The following TYK2 variants were observed in gnomAD, a reference collection of about 807,000 sequenced individuals.
The protein encoded by TYK2 is non-receptor tyrosine-protein kinase TYK2.
A neutral mutation model predicts 130.9 loss-of-function variants in TYK2; 65 were observed. That is an observed-to-expected ratio of 0.50 (90% CI 0.41 to 0.61). The LOEUF is 0.61. Ranked by LOEUF, TYK2 falls within the 20% of genes least tolerant of loss-of-function variation. The pLI, the probability that TYK2 is intolerant of heterozygous loss-of-function variation, is 0.00. For synonymous variants in TYK2, 647 were observed against 658.9 expected (o/e 0.98, Z 0.28); for missense variants, 1,378 against 1,610.7 (o/e 0.86, Z 2.47).
At position 10,365,555 on chromosome 19, in the gene TYK2, G is replaced by A. The variant is rs766378705; in HGVS notation, c.973C>T (p.Gln325Ter). Residue 325 changes from glutamine (Q) to a stop codon, truncating the protein, a stop_gained, in exon 7 of 25, where the codon CAG becomes TAG. Transcript: ENST00000525621. LOFTEE classifies it high-confidence loss of function. ...EVLVTGTGGI[Q>*]WWPVEEEVNK... ...ACCTCCTCCTCTACTGGCCACCACT[G>A]GATGCCACCAGTGCCTGTCACCAGC... 1.2e-6 allele frequency: 2 copies of A among 1,614,050 alleles called. No homozygotes were observed. The highest frequency in any genetic ancestry group is 1.7e-5 in the Admixed American group (1 of 60,018).
At position 10,353,488 on chromosome 19, in the gene TYK2, G is replaced by T. The variant is rs1184236755; in HGVS notation, c.3027+40C>A. On this transcript the variant is annotated intron_variant, in intron 21 of 24. Coordinates refer to ENST00000525621, the MANE Select transcript of TYK2 (RefSeq NM_003331.5). This position sits in a 1 kb window ranked among gnomAD's most constrained non-coding sequence, Gnocchi z 6.9. ...GCTCAGGCCAGCCCAAGCTGAAGAG[G>T]AAGGGGCAAGCTCCAGAAGCAGGGG... 11 of 1,411,270 alleles carry T rather than the reference G, an allele frequency of 7.8e-6. No individual in the cohort carries two copies. Among genetic ancestry groups the T allele is most frequent in the Non-Finnish European group, 1.0e-5 (11 of 1,056,008 alleles). The allele number at this position is 1,411,270 out of a possible 1,614,324, so 87.4% of individuals were successfully genotyped here. A position where few individuals can be genotyped will look rare whatever the true frequency, so the allele number is the denominator to read the frequency against.
intron 5 of TYK2, 140 bp downstream of exon 5, chr19:10,367,915 G>A (rs1242013897): frequency 2.3e-4 from 223 of 950,716 alleles, no homozygotes; most frequent in Admixed American, 1.1e-3. Context: ...GCAAGACTCC[G>A]TCTCAAAAAA....
chr19:10,379,347 A>G (rs951729312), intron 2 of TYK2, among the ~76,000 whole-genome samples: 1 of 150,202 alleles, frequency 6.7e-6, no homozygotes, highest in Non-Finnish European at 1.5e-5. Flanking sequence ...TAAATAAATA[A>G]ATAAATAAAT....
At chr19:10,355,031 A>T (rs987949998) in intron 18 of TYK2, among the ~76,000 whole-genome samples, 1 of 140,836 alleles carries the variant, frequency 7.1e-6, no homozygotes, top group African/African-American at 2.6e-5. Flanking sequence ...CACTGTCTTT[A>T]AAAAAAAAAA....
intron 19 of TYK2, 58 bp from the exon 20 acceptor site, chr19:10,354,292 AC>A: frequency 6.3e-7 from 1 of 1,580,712 alleles, no homozygotes. Context: ...CCACTCCCCA[AC>A]CCCCGATTTC....
At chr19:10,358,730 A>C (rs964286919) in intron 15 of TYK2, among the ~76,000 whole-genome samples, 1 of 151,684 alleles carries the variant, frequency 6.6e-6, no homozygotes, top group Non-Finnish European at 1.5e-5. Context: ...TGCTGGGATT[A>C]CAGGTATGAG....
chr19:10,372,277 G>C (rs1362738891), intron 3 of TYK2, among the ~76,000 whole-genome samples: 2 of 146,950 alleles, frequency 1.4e-5, no homozygotes, highest in Non-Finnish European at 3.0e-5. Flanking sequence ...ACAGGCGTGA[G>C]CCACGGCGCC....
chr19:10,358,036 G>A lies in TYK2; in HGVS notation c.2278C>T (p.Pro760Ser), dbSNP rs958274716. The part of the protein sequence containing the change: ...GTSPFIKLSD[P>S]GVGLGALSRE... ...GAGAGGGCGCCCAGGCCCACGCCAG[G>A]ATCACTCAGCTTGATGAAGGGGCTG... The change falls in exon 16 of 25, where the codon CCT becomes TCT. Residue 760 changes from proline (P) to serine (S), a missense_variant. By Grantham distance (74) the Pro-to-Ser change is moderately conservative. Transcript: ENST00000525621. 1.9e-6 allele frequency: 3 copies of A among 1,613,522 alleles called. No homozygotes were observed. In the Admixed American group the frequency reaches 5.0e-5, roughly 27 times the overall value.
rs2040984394 is a variant in TYK2, at chr19:10,354,543, CG to C, written c.2683del (p.Arg895AlafsTer3). The C allele has an allele frequency of 6.2e-7, 1 of 1,613,920 alleles. No homozygotes were observed. Among genetic ancestry groups the C allele is most frequent in the African/African-American group, 1.3e-5 (1 of 74,892 alleles). On this transcript the variant is annotated frameshift_variant, in exon 19 of 25. Transcript: ENST00000525621. LOFTEE classifies it high-confidence loss of function. ...PASDPTVFHK[R>X]YLKKIRDLGE... ...CAGATCTCGGATCTTTTTCAAATAG[CG>C]CTTGTGGAAAACCGTAGGGTCCGAC...
rs187919920 is a variant in TYK2 at position 10,359,283 on chromosome 19, G to A, written c.2067C>T (p.Tyr689=). The A allele has an allele frequency of 2.6e-5, 42 of 1,611,662 alleles. No individual in the cohort carries two copies. The highest frequency in any genetic ancestry group is 2.3e-4 in the African/African-American group (17 of 75,042). Residue 689 remains tyrosine (Y), a synonymous_variant, in exon 15 of 25, where the codon TAC becomes TAT. Transcript: ENST00000525621. ...RGPENIMVTE[Y]VEHGPLDVWL... ...ACACATCCAGGGGTCCGTGCTCCACGTACTCTGTCACCATGATATCTGTAA... is the reference window on the plus strand; with the variant it reads ...ACACATCCAGGGGTCCGTGCTCCACATACTCTGTCACCATGATATCTGTAA...
intron 3 of TYK2, 122 bp downstream of exon 3, chr19:10,378,092 G>A (rs2145369831): frequency 1.0e-6 from 1 of 991,600 alleles, no homozygotes; most frequent in Non-Finnish European, 1.5e-6. Context: ...ATGGATGGAT[G>A]GATGGATGAG....
intron 3 of TYK2, among the ~76,000 whole-genome samples, chr19:10,372,800 T>C (rs993467945): frequency 6.6e-6 from 1 of 151,974 alleles, no homozygotes; most frequent in Non-Finnish European, 1.5e-5. Context: ...TTTGACTGTG[T>C]TATCAAATCA....
In TYK2 at chr19:10,353,354, G is replaced by C. The variant is rs2040910576; in HGVS notation, c.3027+174C>G. Reference sequence around the variant, plus strand: ...GAGCCGGCTGTGCGTGGTCCCTTGGGAGGAGGGGGTGTGGCCAAGCAAGCC... The same window carrying C: ...GAGCCGGCTGTGCGTGGTCCCTTGGCAGGAGGGGGTGTGGCCAAGCAAGCC... On this transcript the variant is annotated intron_variant, in intron 21 of 24. Transcript: ENST00000525621. The surrounding 1 kb of genome is among the most constrained non-coding windows in gnomAD (Gnocchi z 6.9). 1.7e-6 allele frequency: 1 copy of C among 586,466 alleles called. No homozygotes were observed. The highest frequency in any genetic ancestry group is 2.9e-6 in the Non-Finnish European group (1 of 340,948). 36.3% of individuals were successfully genotyped at this position (586,466 alleles called of 1,614,324 possible).
chr19:10,377,560 AT>A, intron 3 of TYK2, among the ~76,000 whole-genome samples: 1 of 72,338 alleles, frequency 1.4e-5, no homozygotes, highest in East Asian at 4.5e-4. Flanking sequence ...GGGTGGGTGG[AT>A]GGATGGGTGG....
chr19:10,378,500 A>AC, intron 2 of TYK2, 74 bp from the exon 3 acceptor site: 1 of 1,241,292 alleles, frequency 8.1e-7, no homozygotes, highest in Non-Finnish European at 1.1e-6. Context: ...CCTTCCACCC[A>AC]CCCCAGCTAA....
In TYK2 at chr19:10,361,802, C is replaced by T; in HGVS notation, c.1927G>A (p.Val643Met). 1 of 1,613,868 alleles carries T rather than the reference C, an allele frequency of 6.2e-7. No homozygotes were observed. The highest frequency in any genetic ancestry group is 8.5e-7 in the Non-Finnish European group (1 of 1,179,980). ...ATGTCATGGTGACTAGGGTCCAGCA[C>T]TTTGAGCACCACTCGTAGCTCCTGC... is the stretch of plus-strand genomic sequence containing the variant. ...RGQELRVVLK[V>M]LDPSHHDIAL... The change falls in exon 13 of 25, where the codon GTG (valine) becomes ATG (methionine). Residue 643 changes from valine (V) to methionine (M), a missense_variant. Physicochemically the swap from Val to Met is conservative, Grantham distance 21. Coordinates refer to ENST00000525621, the MANE Select transcript of TYK2 (RefSeq NM_003331.5). The surrounding 1 kb of genome is among the most constrained non-coding windows in gnomAD (Gnocchi z 4.0).
intron 3 of TYK2, 80 bp downstream of exon 3, chr19:10,378,134 G>T: frequency 6.9e-7 from 1 of 1,443,100 alleles, no homozygotes; most frequent in African/African-American, 1.5e-5. Flanking sequence ...GGGTGGGTGG[G>T]TGGATAGACG....
At position 10,353,863 on chromosome 19, in the gene TYK2, ACCCCCCAG is replaced by A; in HGVS notation, c.2908+171_2908+178del. On this transcript the variant is annotated intron_variant, in intron 20 of 24. Coordinates refer to ENST00000525621, the MANE Select transcript of TYK2 (RefSeq NM_003331.5). This position sits in a 1 kb window ranked among gnomAD's most constrained non-coding sequence, Gnocchi z 6.9. ...GTCCATCCTGGCCCCAGCAGGTAGC[ACCCCCCAG>A]ATGGGAAGGAGGCAGCCCAGCCACG... 1 of 747,582 alleles carries A rather than the reference ACCCCCCAG, an allele frequency of 1.3e-6. No homozygotes were observed. The highest frequency in any genetic ancestry group is 2.7e-5 in the East Asian group (1 of 37,088). The allele number at this position is 747,582 out of a possible 1,614,324, so 46.3% of individuals were successfully genotyped here.
In TYK2 at chr19:10,358,000, C is replaced by T. The variant is rs2041189170; in HGVS notation, c.2311+3G>A. The T allele has an allele frequency of 6.2e-7, 1 of 1,613,400 alleles. No individual in the cohort carries two copies. Among genetic ancestry groups the T allele is most frequent in the Non-Finnish European group, 8.5e-7 (1 of 1,180,036 alleles). On this transcript the variant is annotated splice_donor_region_variant and intron_variant, in intron 16 of 24. Transcript: ENST00000525621. ...CTGTGCCCAGGTCCCCTCAGGTACT[C>T]ACCCTCCCTGGAGAGGGCGCCCAGG... is the stretch of plus-strand genomic sequence containing the variant.
Sources: allele counts gnomAD v4.1 joint callset (sites outside exome capture counted in the v4.1 genomes callset), GRCh38; gene constraint gnomAD v4.1.1; non-coding constraint Gnocchi (gnomAD v3.1); transcripts MANE v1.5; gene names NCBI Gene and HGNC (gene_info 2026-07-23, HGNC 2026-07-21).